GTF2IRD1: variants seen among roughly 807,000 people sequenced by gnomAD.
GTF2IRD1 encodes GTF2I repeat domain containing 1, also known as general transcription factor II-I repeat domain-containing protein 1.
A neutral mutation model predicts 113.2 loss-of-function variants in GTF2IRD1; 26 were observed. The observed-to-expected ratio is 0.23, with a 90% CI of 0.17 to 0.32. The LOEUF (loss-of-function observed/expected upper bound fraction) is 0.32, where lower values mean the gene tolerates loss of function less well. Ranked by LOEUF, GTF2IRD1 falls within the 10% of genes least tolerant of loss-of-function variation. GTF2IRD1 has a pLI of 1.00. For synonymous variants in GTF2IRD1, 484 were observed against 529.1 expected (o/e 0.91, Z 1.17); for missense variants, 864 against 1,280.8 (o/e 0.67, Z 4.97).
intron 1 of GTF2IRD1, among the ~76,000 whole-genome samples, chr7:74,466,738 C>T (rs1793739096): frequency 1.3e-5 from 2 of 152,064 alleles, no homozygotes; most frequent in African/African-American, 4.8e-5. Flanking sequence ...ACAAACAAGA[C>T]TATAATTGCC....
chr7:74,471,280 A>C (rs1275093047), intron 1 of GTF2IRD1, among the ~76,000 whole-genome samples: 1 of 152,160 alleles, frequency 6.6e-6, no homozygotes, highest in Admixed American at 6.5e-5. Context: ...TCATGCCTGT[A>C]ATCCCAGCAC....
rs6970174 is a variant in GTF2IRD1 at position 74,457,884 on chromosome 7, T to G, written c.-7+3708T>G. Among the ~76,000 whole-genome samples the G allele has an allele frequency of 1.8e-4, 27 of 150,296 alleles. 1 individual carries two copies. The highest frequency in any genetic ancestry group is 5.1e-4 in the African/African-American group (21 of 40,956). On this transcript the variant is annotated intron_variant, in intron 1 of 26. Transcript: ENST00000424337. The stretch of plus-strand genomic sequence containing the variant: ...ATGCTGAGTTACGTTTTTGTTTTTT[T>G]TTTTTTTTTTTTGAGAGGGAGTCTC...
chr7:74,600,128 C>T (rs1375009048), intron 25 of GTF2IRD1, among the ~76,000 whole-genome samples: 10 of 152,078 alleles, frequency 6.6e-5, no homozygotes, highest in Admixed American at 4.6e-4. Context: ...ACTGAGAATG[C>T]GATTAATATT....
In GTF2IRD1 at chr7:74,458,467, G is replaced by T. The variant is rs1793142931; in HGVS notation, c.-7+4291G>T. 2.0e-5 allele frequency among the ~76,000 whole-genome samples: 3 copies of T among 151,996 alleles called. 1 individual carries two copies. The highest frequency in any genetic ancestry group is 4.2e-4 in the South Asian group (2 of 4,816). The stretch of plus-strand genomic sequence containing the variant: ...CCTCAGCCCCATCTCATAGAAACAT[G>T]TGCTTTCTACCCAGGCTCCATACTC... On this transcript the variant is annotated intron_variant, in intron 1 of 26. Transcript: ENST00000424337.
intron 1 of GTF2IRD1, among the ~76,000 whole-genome samples, chr7:74,498,645 A>T (rs1554338663): frequency 2.6e-5 from 4 of 151,952 alleles, no homozygotes; most frequent in African/African-American, 9.7e-5. Flanking sequence ...TTTAAATAAA[A>T]CATAGGTAAC....
At chr7:74,558,261 A>G (rs1440141477) in intron 20 of GTF2IRD1, among the ~76,000 whole-genome samples, 1 of 147,588 alleles carries the variant, frequency 6.8e-6, no homozygotes, top group Non-Finnish European at 1.5e-5. Context: ...CCTAGGCAAC[A>G]AAAGCGAAAC....
At chr7:74,518,404 A>T in intron 5 of GTF2IRD1, 82 bp downstream of exon 5, 3 of 1,162,842 alleles carry the variant, frequency 2.6e-6, no homozygotes, top group Admixed American at 5.4e-5. Context: ...CCACTTAGCC[A>T]GAGGGGAAGG....
At chr7:74,514,378 T>C (rs587763334) in intron 3 of GTF2IRD1, among the ~76,000 whole-genome samples, 2 of 152,070 alleles carry the variant, frequency 1.3e-5, no homozygotes, top group East Asian at 1.9e-4. Flanking sequence ...CCGGGTAGAA[T>C]GGACAGCAGC....
At chr7:74,474,253 C>T (rs1473230060) in intron 1 of GTF2IRD1, among the ~76,000 whole-genome samples, 6 of 152,006 alleles carry the variant, frequency 3.9e-5, no homozygotes, top group South Asian at 2.1e-4. Flanking sequence ...CAAAAGAAAA[C>T]GATATTTTCT....
At chr7:74,525,472 G>A (rs1797544701) in intron 8 of GTF2IRD1, among the ~76,000 whole-genome samples, 1 of 152,114 alleles carries the variant, frequency 6.6e-6, no homozygotes, top group African/African-American at 2.4e-5. Flanking sequence ...AACACAAGTG[G>A]TAGGCGCTGT....
intron 22 of GTF2IRD1, among the ~76,000 whole-genome samples, chr7:74,589,189 T>G (rs1447442971): frequency 6.6e-6 from 1 of 151,978 alleles, no homozygotes; most frequent in Non-Finnish European, 1.5e-5. Context: ...CGAGACTCCA[T>G]CTGTACAAAA....
rs782566530 is a variant in GTF2IRD1 at position 74,508,136 on chromosome 7, G to A, written c.56G>A (p.Arg19His). The A allele has an allele frequency of 2.7e-5, 44 of 1,611,816 alleles. No homozygotes were observed. The South Asian group carries it at 4.1e-4, about 15-fold the overall frequency. The change falls in exon 2 of 27, where the codon CGC (arginine) becomes CAC (histidine). Residue 19 changes from arginine (R) to histidine (H), a missense_variant. By Grantham distance (29) the Arg-to-His change is conservative. Around this residue, in one of 7 missense-constraint regions of GTF2IRD1, gnomAD observed 182 missense variants for 266.6 expected, o/e 0.68. Transcript: ENST00000424337. ...CCCACCAACGGCTGCGGACCCGACC[G>A]CTGGAACTCCGCGTTCACCCGCAAA... is the stretch of plus-strand genomic sequence containing the variant. ...DVPTNGCGPD[R>H]WNSAFTRKDE...
chr7:74,500,805 C>G (rs560420027), intron 1 of GTF2IRD1, among the ~76,000 whole-genome samples: 1 of 152,088 alleles, frequency 6.6e-6, no homozygotes, highest in South Asian at 2.1e-4. Context: ...TTCTCTGTAG[C>G]CTCGAACTCC....
intron 1 of GTF2IRD1, among the ~76,000 whole-genome samples, chr7:74,457,323 C>T (rs1289417628): frequency 6.6e-6 from 1 of 152,138 alleles, no homozygotes; most frequent in Non-Finnish European, 1.5e-5. Flanking sequence ...CAACATTGAT[C>T]TTACTCAGAT....
chr7:74,523,338 C>CTA (rs1797399966), intron 7 of GTF2IRD1, among the ~76,000 whole-genome samples: 1 of 152,230 alleles, frequency 6.6e-6, no homozygotes, highest in Non-Finnish European at 1.5e-5. Context: ...CTACAGTGAG[C>CTA]TATGATTGCA....
At chr7:74,562,771 T>TCCAGGCTGGATGA (rs1473781785) in intron 22 of GTF2IRD1, among the ~76,000 whole-genome samples, 2 of 151,808 alleles carry the variant, frequency 1.3e-5, no homozygotes, top group Admixed American at 1.3e-4. Flanking sequence ...ACAATGAAAG[T>TCCAGGCTGGATGA]CCAGGCTGGT....
chr7:74,502,305 A>G (rs1454822620), intron 1 of GTF2IRD1, among the ~76,000 whole-genome samples: 1 of 152,184 alleles, frequency 6.6e-6, no homozygotes, highest in Non-Finnish European at 1.5e-5. Context: ...TTCTGTCTAC[A>G]TGCCCTTTTC....
intron 25 of GTF2IRD1, among the ~76,000 whole-genome samples, chr7:74,595,418 AAAAG>A (rs1182857425): frequency 6.6e-6 from 1 of 151,772 alleles, no homozygotes; most frequent in Non-Finnish European, 1.5e-5. Context: ...AAAAAAGAAA[AAAAG>A]AAAGAAAGAA....
At chr7:74,511,288 G>A (rs1302507666) in intron 2 of GTF2IRD1, among the ~76,000 whole-genome samples, 2 of 152,140 alleles carry the variant, frequency 1.3e-5, no homozygotes, top group African/African-American at 4.8e-5. Context: ...TGTAGGGAGG[G>A]TGGGCTGAAG....
Sources: gnomAD v4.1 joint callset for allele counts (sites outside exome capture counted in the v4.1 genomes callset) on GRCh38, gnomAD v4.1.1 for gene constraint, gnomAD v4.1.1 regional missense constraint, MANE v1.5 for transcripts, NCBI Gene and HGNC (gene_info 2026-07-23, HGNC 2026-07-21) for gene names.